NCOA2: variants seen among roughly 807,000 people sequenced by gnomAD.
The protein encoded by NCOA2 is nuclear receptor coactivator 2.
Under a neutral mutation model 145.1 loss-of-function variants are expected in NCOA2, and 21 were observed. That is an observed-to-expected ratio of 0.14 (90% confidence interval 0.10 to 0.21). The LOEUF is 0.21. Ranked by LOEUF, NCOA2 falls within the 10% of genes least tolerant of loss-of-function variation. The pLI, the probability that NCOA2 is intolerant of heterozygous loss-of-function variation, is 1.00. For synonymous variants in NCOA2, 619 were observed against 637.5 expected (o/e 0.97, Z 0.44); for missense variants, 1,472 against 1,837.6 (o/e 0.80, Z 3.64).
chr8:70,316,224 C>G (rs998095810), intron 1 of NCOA2, among the ~76,000 whole-genome samples: 1 of 152,156 alleles, frequency 6.6e-6, no homozygotes, highest in Non-Finnish European at 1.5e-5. Context: ...CCTCTCGAGT[C>G]AAAGCACCAT....
upstream of NCOA2, among the ~76,000 whole-genome samples, chr8:70,404,081 C>A (rs76929997): frequency 1.3e-5 from 2 of 152,162 alleles, no homozygotes; most frequent in Admixed American, 6.5e-5. Context: ...CGGGGAGCAG[C>A]CCCTGGCCGC....
intron 1 of NCOA2, among the ~76,000 whole-genome samples, chr8:70,298,164 G>C (rs1022384252): frequency 2.6e-5 from 4 of 152,084 alleles, no homozygotes; most frequent in African/African-American, 9.7e-5. Flanking sequence ...ATTCCTTTAA[G>C]AGCCCTTTAC....
intron 2 of NCOA2, among the ~76,000 whole-genome samples, chr8:70,251,965 T>C (rs149550321): frequency 1.3e-5 from 2 of 152,290 alleles, no homozygotes; most frequent in South Asian, 2.1e-4. Flanking sequence ...ATGCTCAAGT[T>C]CCTGATATAA....
At chr8:70,378,129 C>T (rs796065935) in intron 1 of NCOA2, among the ~76,000 whole-genome samples, 3 of 152,216 alleles carry the variant, frequency 2.0e-5, no homozygotes, top group African/African-American at 7.2e-5. Flanking sequence ...ACCGCTTACA[C>T]AGCATATAAA....
intron 1 of NCOA2, among the ~76,000 whole-genome samples, chr8:70,371,915 T>C (rs139301888): frequency 5.3e-5 from 8 of 152,298 alleles, no homozygotes; most frequent in African/African-American, 1.9e-4. Context: ...AGTACGTTCA[T>C]CTGATGTCTA....
chr8:70,116,630 C>T (rs1435229234), intron 22 of NCOA2, among the ~76,000 whole-genome samples: 1 of 152,110 alleles, frequency 6.6e-6, no homozygotes, highest in Non-Finnish European at 1.5e-5. Context: ...GATGACTGAA[C>T]CCCTGTCAAT....
chr8:70,449,231 C>T, the NCOA2 span, among the ~76,000 whole-genome samples: 1 of 152,150 alleles, frequency 6.6e-6, no homozygotes, highest in African/African-American at 2.4e-5. Context: ...AGGTAATTGT[C>T]AAGGAAAACA....
intron 1 of NCOA2, among the ~76,000 whole-genome samples, chr8:70,321,265 G>A (rs879884488): frequency 6.6e-6 from 1 of 151,852 alleles, no homozygotes; most frequent in Non-Finnish European, 1.5e-5. Context: ...TTCAAAATGA[G>A]GGATATGTTA....
At chr8:70,190,954 G>C (rs533647547) in intron 4 of NCOA2, among the ~76,000 whole-genome samples, 1 of 152,200 alleles carries the variant, frequency 6.6e-6, no homozygotes, top group South Asian at 2.1e-4. Flanking sequence ...ATTTGTGGAG[G>C]ATACTTTGGT....
chr8:70,297,213 T>C (rs773222071), intron 1 of NCOA2, among the ~76,000 whole-genome samples: 9 of 151,336 alleles, frequency 5.9e-5, no homozygotes, highest in Non-Finnish European at 1.0e-4. Context: ...AGGCAGAAAA[T>C]GTGTGCTGAA....
intron 2 of NCOA2, among the ~76,000 whole-genome samples, chr8:70,293,491 T>G (rs191723613): frequency 6.6e-6 from 1 of 152,244 alleles, no homozygotes; most frequent in Non-Finnish European, 1.5e-5. Flanking sequence ...AAGTATATAT[T>G]GTGTTTTATT....
chr8:70,265,446 T>C (rs1824490706), intron 2 of NCOA2, among the ~76,000 whole-genome samples: 2 of 152,238 alleles, frequency 1.3e-5, no homozygotes, highest in South Asian at 4.1e-4. Flanking sequence ...TTAAGTGTTA[T>C]ATTTTTCAAC....
intron 9 of NCOA2, among the ~76,000 whole-genome samples, chr8:70,162,220 T>C (rs1373423666): frequency 6.6e-6 from 1 of 152,180 alleles, no homozygotes; most frequent in Non-Finnish European, 1.5e-5. Flanking sequence ...AGCTGTCCTA[T>C]TGCTTAAGTC....
At chr8:70,203,261 C>T (rs367680419) in intron 4 of NCOA2, among the ~76,000 whole-genome samples, 1 of 121,966 alleles carries the variant, frequency 8.2e-6, no homozygotes, top group Non-Finnish European at 1.6e-5. Flanking sequence ...GACTCTGTCT[C>T]AAAAAAAAAA....
chr8:70,225,884 A>G (rs952547198), intron 2 of NCOA2, among the ~76,000 whole-genome samples: 2 of 152,132 alleles, frequency 1.3e-5, no homozygotes, highest in African/African-American at 2.4e-5. Context: ...ACCTCTTTGG[A>G]GCTTTGTTTC....
At chr8:70,298,295 GGA>G (rs1448396334) in intron 1 of NCOA2, among the ~76,000 whole-genome samples, 3 of 152,108 alleles carry the variant, frequency 2.0e-5, no homozygotes, top group Admixed American at 6.5e-5. Context: ...GGTCTACAGG[GGA>G]GAGAAACAGA....
chr8:70,277,894 A>G (rs1316487088), intron 2 of NCOA2, among the ~76,000 whole-genome samples: 3 of 152,240 alleles, frequency 2.0e-5, no homozygotes, highest in African/African-American at 7.2e-5. Context: ...TCTTTATAAT[A>G]GCTTTAATGA....
chr8:70,232,997 C>T (rs974321906), intron 2 of NCOA2, among the ~76,000 whole-genome samples: 5 of 152,004 alleles, frequency 3.3e-5, no homozygotes, highest in African/African-American at 7.3e-5. Flanking sequence ...GAGGCCAAGG[C>T]GGGCAGATCA....
intron 2 of NCOA2, among the ~76,000 whole-genome samples, chr8:70,285,005 G>A (rs1243743938): frequency 6.6e-6 from 1 of 152,092 alleles, no homozygotes; most frequent in Non-Finnish European, 1.5e-5. Context: ...CCTCAAGGTA[G>A]GCTTTACATT....
Sources: gnomAD v4.1 joint callset for allele counts (sites outside exome capture counted in the v4.1 genomes callset) on GRCh38, gnomAD v4.1.1 for gene constraint, MANE v1.5 for transcripts, NCBI Gene and HGNC (gene_info 2026-07-23, HGNC 2026-07-21) for gene names.